NAV2: variants seen among roughly 807,000 people sequenced by gnomAD.
NAV2 encodes helicase, APC down-regulated 1.
A neutral mutation model predicts 223.2 loss-of-function variants in NAV2; 54 were observed. The observed-to-expected ratio is 0.24, with a 90% CI of 0.19 to 0.30. NAV2 has a LOEUF of 0.30. Ranked by LOEUF, NAV2 falls within the 10% of genes least tolerant of loss-of-function variation. NAV2 has a pLI of 1.00. For synonymous variants in NAV2, 1,279 were observed against 1,239.3 expected (o/e 1.03, Z -0.67); for missense variants, 2,806 against 3,147.5 (o/e 0.89, Z 2.60).
At chr11:20,113,456 A>G (rs1285412245) in intron 36 of NAV2, among the ~76,000 whole-genome samples, 1 of 152,234 alleles carries the variant, frequency 6.6e-6, no homozygotes, top group African/African-American at 2.4e-5. Context: ...TCATTTTACC[A>G]TTAGATAATT....
the NAV2 span, among the ~76,000 whole-genome samples, chr11:19,345,612 G>T: frequency 6.6e-6 from 1 of 152,220 alleles, no homozygotes; most frequent in Non-Finnish European, 1.5e-5. The surrounding 1 kb of genome is among the most constrained non-coding windows in gnomAD (Gnocchi z 5.2). Flanking sequence ...AGCCACCCGT[G>T]CGCGATGACG....
At chr11:19,533,776 G>A (rs1256380218) in intron 1 of NAV2, among the ~76,000 whole-genome samples, 1 of 141,414 alleles carries the variant, frequency 7.1e-6, no homozygotes. Flanking sequence ...GCGGGATCTC[G>A]GCTCACTGCA....
intron 4 of NAV2, among the ~76,000 whole-genome samples, chr11:19,871,293 A>G (rs2062473626): frequency 6.6e-6 from 1 of 152,108 alleles, no homozygotes; most frequent in African/African-American, 2.4e-5. Context: ...TTAAACTTCA[A>G]TCTCAGACTC....
At chr11:19,623,650 C>T (rs915171076) in intron 1 of NAV2, among the ~76,000 whole-genome samples, 1 of 152,186 alleles carries the variant, frequency 6.6e-6, no homozygotes, top group Non-Finnish European at 1.5e-5. Context: ...ACTGGTTATT[C>T]CAGTTAGCCA....
chr11:20,008,748 T>TC (rs59176602), intron 11 of NAV2, among the ~76,000 whole-genome samples: 2 of 151,732 alleles, frequency 1.3e-5, no homozygotes, highest in Admixed American at 6.6e-5. Context: ...TTTTTTTTTT[T>TC]CCGCCTGCTT....
rs10833218 is a variant in NAV2, at chr11:19,998,312, T to C, written c.2768+14065T>C. ...CTCCGCCCACCTCCCTCTCCTTCTC[T>C]CTCATTGGCCATGGTGCAGGGGTCT... On this transcript the variant is annotated intron_variant, in intron 11 of 37. Coordinates refer to ENST00000349880, the MANE Select transcript of NAV2 (RefSeq NM_145117.5). This position sits in a 1 kb window ranked among gnomAD's most constrained non-coding sequence, Gnocchi z 5.0. 0.46 allele frequency among the ~76,000 whole-genome samples: 69,387 copies of C among 151,658 alleles called. 19,564 individuals are homozygous for C. Among genetic ancestry groups the C allele is most frequent in the Non-Finnish European group, 0.64 (43,501 of 67,874 alleles).
In NAV2 at chr11:19,622,507, G is replaced by A. The variant is rs188139335; in HGVS notation, c.76-209977G>A. ...GTTGAATTGATCCCTTTACCATTAT[G>A]TAATGGCCTTCCTTGTCTCTTTTGA... On this transcript the variant is annotated intron_variant, in intron 1 of 37. Transcript: ENST00000360655. Among the ~76,000 whole-genome samples, 321 of 152,292 alleles carry A rather than the reference G, an allele frequency of 2.1e-3. 1 individual carries two copies. Among genetic ancestry groups the A allele is most frequent in the African/African-American group, 7.5e-3 (311 of 41,548 alleles).
At chr11:19,843,017 C>A in intron 3 of NAV2, 94 bp downstream of exon 3, 1 of 1,026,992 alleles carries the variant, frequency 9.7e-7, no homozygotes, top group Non-Finnish European at 1.5e-6. Context: ...ATACCAGATG[C>A]TTTACTCCAG....
At chr11:19,886,214 G>A (rs952400101) in intron 5 of NAV2, among the ~76,000 whole-genome samples, 2 of 151,760 alleles carry the variant, frequency 1.3e-5, no homozygotes, top group African/African-American at 4.8e-5. Context: ...CTGGGCTCAA[G>A]CAATCCTCCC....
intron 3 of NAV2, among the ~76,000 whole-genome samples, chr11:19,844,733 C>T (rs879636181): frequency 9.2e-5 from 14 of 152,100 alleles, no homozygotes; most frequent in South Asian, 6.2e-4. Flanking sequence ...TACCATAGCA[C>T]CAATGCAGTG....
intron 1 of NAV2, among the ~76,000 whole-genome samples, chr11:19,460,620 T>TG (rs1407203915): frequency 5.0e-5 from 5 of 99,360 alleles, no homozygotes; most frequent in African/African-American, 2.0e-4. Flanking sequence ...GGACACAGGG[T>TG]GGGGAACATC....
intron 20 of NAV2, among the ~76,000 whole-genome samples, chr11:20,064,200 A>G (rs114372573): frequency 0.017 from 2,660 of 152,292 alleles, 77 homozygotes; most frequent in African/African-American, 0.061. Flanking sequence ...TTCTAGAATG[A>G]AACTGTGGGA....
chr11:19,998,172 G>A lies in NAV2; in HGVS notation c.2768+13925G>A, dbSNP rs1053391321. ...GATAATTGATAAGACTGACTGAAGA[G>A]TTTTCCTCCCCCTTTTCCTTCCAGT... On this transcript the variant is annotated intron_variant, in intron 11 of 37. Coordinates refer to ENST00000349880, the MANE Select transcript of NAV2 (RefSeq NM_145117.5). This position sits in a 1 kb window ranked among gnomAD's most constrained non-coding sequence, Gnocchi z 5.0. Among the ~76,000 whole-genome samples, 7 of 152,014 alleles carry A rather than the reference G, an allele frequency of 4.6e-5. No individual in the cohort carries two copies. Among genetic ancestry groups the A allele is most frequent in the Admixed American group, 3.3e-4 (5 of 15,258 alleles).
intron 1 of NAV2, among the ~76,000 whole-genome samples, chr11:19,369,685 T>A (rs1848407371): frequency 6.6e-6 from 1 of 152,178 alleles, no homozygotes; most frequent in Admixed American, 6.5e-5. Flanking sequence ...CAATGCTCAG[T>A]TAAGGCAGTT....
chr11:19,469,996 G>A (rs560944835), intron 1 of NAV2, among the ~76,000 whole-genome samples: 1 of 152,252 alleles, frequency 6.6e-6, no homozygotes, highest in Non-Finnish European at 1.5e-5. Flanking sequence ...GTGGCCACAG[G>A]CCATGTCAGG....
chr11:20,016,062 T>C (rs2053979814), intron 11 of NAV2, among the ~76,000 whole-genome samples: 1 of 152,224 alleles, frequency 6.6e-6, no homozygotes, highest in Non-Finnish European at 1.5e-5. Flanking sequence ...ATAACGCGTG[T>C]TAGAACAGTT....
intron 1 of NAV2, among the ~76,000 whole-genome samples, chr11:19,623,714 C>T (rs954421174): frequency 6.6e-6 from 1 of 152,214 alleles, no homozygotes; most frequent in Non-Finnish European, 1.5e-5. Flanking sequence ...GTTCGAACAT[C>T]CTCCTTTAGC....
chr11:20,082,648 T>C, intron 25 of NAV2: 2 of 1,567,364 alleles, frequency 1.3e-6, no homozygotes, highest in Non-Finnish European at 1.8e-6. Flanking sequence ...ACCCATCCAT[T>C]GATATGACTA....
At chr11:19,734,754 G>A (rs1277381747) in intron 1 of NAV2, among the ~76,000 whole-genome samples, 2 of 152,126 alleles carry the variant, frequency 1.3e-5, no homozygotes, top group Admixed American at 1.3e-4. Flanking sequence ...CTCAACTTAG[G>A]CTTCACACCA....
Sources: allele counts gnomAD v4.1 joint callset (sites outside exome capture counted in the v4.1 genomes callset), GRCh38; gene constraint gnomAD v4.1.1; non-coding constraint Gnocchi (gnomAD v3.1); transcripts MANE v1.5; gene names NCBI Gene and HGNC (gene_info 2026-07-23, HGNC 2026-07-21).